Variants in ZSCAN30 observed in about 807,000 individuals in gnomAD.
ZSCAN30 encodes the protein zinc finger and SCAN domain containing 30.
ZSCAN30 carries 37 observed loss-of-function variants against 44.3 expected under a neutral mutation model. The observed-to-expected ratio is 0.84, with a 90% CI of 0.64 to 1.10. The LOEUF (loss-of-function observed/expected upper bound fraction) is 1.10, where lower values mean the gene tolerates loss of function less well. ZSCAN30 is among the 50% of genes least tolerant of loss of function. The pLI, the probability that ZSCAN30 is intolerant of heterozygous loss-of-function variation, is 0.00. For synonymous variants in ZSCAN30, 181 were observed against 204.6 expected (o/e 0.88, Z 0.98); for missense variants, 549 against 582.6 (o/e 0.94, Z 0.59).
At chr18:35,258,220 AC>A in intron 3 of ZSCAN30, 1 of 516,662 alleles carries the variant, frequency 1.9e-6, no homozygotes, top group Non-Finnish European at 3.5e-6. Flanking sequence ...CTTAACAGGA[AC>A]CCAGTCAAGG....
At chr18:35,263,726 G>T in intron 2 of ZSCAN30, 69 bp from the exon 3 acceptor site, 1 of 1,565,030 alleles carries the variant, frequency 6.4e-7, no homozygotes, top group Non-Finnish European at 8.8e-7. Flanking sequence ...AGAGCAACAG[G>T]GCAGGAACAG....
Position 35,264,321 on chromosome 18 carries a change from T to C in ZSCAN30, c.32A>G (p.His11Arg), listed in dbSNP as rs1472150550. The C allele has an allele frequency of 3.7e-6, 6 of 1,613,884 alleles. No homozygotes were observed. Among genetic ancestry groups the C allele is most frequent in the East Asian group, 2.2e-5 (1 of 44,880 alleles). The change falls in exon 2 of 4, where the codon CAT (histidine) becomes CGT (arginine). Residue 11 changes from histidine to arginine, a missense_variant. His to Arg is a conservative substitution (Grantham distance 29, BLOSUM62 0). Coordinates refer to ENST00000333206, the MANE Select transcript of ZSCAN30 (RefSeq NM_001112734.4). ...AAGTCCTTCCTGTTCTTCTGGAGCA[T>C]GGTAGGCCAAGACTGTGGCCTCTCC... is the stretch of plus-strand genomic sequence containing the variant. MSGEATVLAY[H>R]APEEQEGLLV...
chr18:35,274,179 C>A (rs905453221), intron 1 of ZSCAN30, among the ~76,000 whole-genome samples: 5 of 152,118 alleles, frequency 3.3e-5, no homozygotes, highest in East Asian at 1.9e-4. Flanking sequence ...CCATGCCCAG[C>A]TAATTTTTGG....
chr18:35,286,808 A>G (rs1319228093), intron 1 of ZSCAN30, among the ~76,000 whole-genome samples: 2 of 152,124 alleles, frequency 1.3e-5, no homozygotes, highest in East Asian at 3.9e-4. Flanking sequence ...TTCTTTTCCA[A>G]TCTGAATGCC....
Position 35,254,722 on chromosome 18 carries a change from G to C in ZSCAN30, c.554-341C>G, listed in dbSNP as rs2043734293. On this transcript the variant is annotated intron_variant, in intron 3 of 3. Transcript: ENST00000333206. ...TAGAGAAGATACGTTTTTAGGTAAT[G>C]AGATAATCAGGAAAAAAAAGTTAAA... 1.2e-5 allele frequency: 4 copies of C among 346,356 alleles called. No individual in the cohort carries two copies. The East Asian group carries it at 2.7e-4, about 23-fold the overall frequency. The allele number at this position is 346,356 out of a possible 1,614,324, so 21.5% of individuals were successfully genotyped here.
At chr18:35,281,898 G>T (rs1258342287) in intron 1 of ZSCAN30, 1 of 144,146 alleles carries the variant, frequency 6.9e-6, no homozygotes, top group East Asian at 2.0e-4. Context: ...GAATGGGAAG[G>T]CCAAAAAAAA....
intron 1 of ZSCAN30, among the ~76,000 whole-genome samples, chr18:35,274,068 T>C (rs2044329426): frequency 1.3e-5 from 2 of 152,066 alleles, no homozygotes; most frequent in South Asian, 4.1e-4. Context: ...CAGGCTGGAG[T>C]GCAGTGGTGC....
intron 1 of ZSCAN30, chr18:35,270,245 ATC>A (rs1280397740): frequency 3.1e-5 from 2 of 64,502 alleles, no homozygotes; most frequent in African/African-American, 9.1e-5. Context: ...AGTATATGGG[ATC>A]TCTCTGTACT....
intron 1 of ZSCAN30, chr18:35,270,329 G>C (rs903145553): frequency 6.6e-6 from 1 of 152,140 alleles, no homozygotes; most frequent in Non-Finnish European, 1.5e-5. Flanking sequence ...GGGGAACGAG[G>C]GAACAAATAC....
chr18:35,267,414 G>A (rs1426325230), intron 1 of ZSCAN30: 2 of 152,354 alleles, frequency 1.3e-5, no homozygotes, highest in Admixed American at 1.3e-4. Flanking sequence ...GCGGAGGCCG[G>A]ATGCGGGACA....
chr18:35,255,416 C>G (rs902391195), intron 3 of ZSCAN30, among the ~76,000 whole-genome samples: 2 of 151,868 alleles, frequency 1.3e-5, no homozygotes, highest in Non-Finnish European at 2.9e-5. Flanking sequence ...ATGCATTTTA[C>G]ATATCAGGAA....
At chr18:35,272,543 A>G (rs1283222798) in intron 1 of ZSCAN30, among the ~76,000 whole-genome samples, 1 of 142,578 alleles carries the variant, frequency 7.0e-6, no homozygotes, top group South Asian at 2.2e-4. Flanking sequence ...GTTTCACCAT[A>G]TTGGTTGGCC....
At chr18:35,254,739 A>G in intron 3 of ZSCAN30, 1 of 331,824 alleles carries the variant, frequency 3.0e-6, no homozygotes, top group South Asian at 2.9e-5. Context: ...TCAGGAAAAA[A>G]AAGTTAAAAG....
At chr18:35,263,864 C>T in intron 2 of ZSCAN30, 81 bp downstream of exon 2, 1 of 1,507,370 alleles carries the variant, frequency 6.6e-7, no homozygotes, top group Non-Finnish European at 9.0e-7. Context: ...TCTCTGAGAG[C>T]TGAGTCAATG....
rs368489177 is a variant in ZSCAN30 at position 35,254,037 on chromosome 18, G to A, written c.898C>T (p.Leu300Phe). 1.2e-6 allele frequency: 2 copies of A among 1,614,052 alleles called. No individual in the cohort carries two copies. Among genetic ancestry groups the A allele is most frequent in the Non-Finnish European group, 1.7e-6 (2 of 1,180,028 alleles). Residue 300 changes from leucine to phenylalanine, a missense_variant, in exon 4 of 4, where the codon CTC (leucine) becomes TTC (phenylalanine). By Grantham distance (22) the Leu-to-Phe change is conservative. Transcript: ENST00000333206. ...TQQSVDTREKLYECFDCGKAF... is the reference protein window; with the variant it reads ...TQQSVDTREKFYECFDCGKAF... ...TTCCCACAGTCAAAGCACTCATAGA[G>A]CTTTTCCCTAGTGTCAACGCTCTGT...
Position 35,264,202 on chromosome 18 carries a change from A to C in ZSCAN30, c.151T>G (p.Phe51Val). 1 of 1,614,178 alleles carries C rather than the reference A, an allele frequency of 6.2e-7. No homozygotes were observed. The change falls in exon 2 of 4, where the codon TTC becomes GTC. Residue 51 changes from phenylalanine to valine, a missense_variant. By Grantham distance (50) the Phe-to-Val change is conservative. Transcript: ENST00000333206. ...PWSQEVFRQK[F>V]RQFSYSDSTG... ...GAGTCAGAGTAACTAAACTGCCTGA[A>C]CTTCTGCCGGAATACCTCTTGGCTC... is the stretch of plus-strand genomic sequence containing the variant.
chr18:35,260,360 C>T (rs2043997187), intron 3 of ZSCAN30: 1 of 152,106 alleles, frequency 6.6e-6, no homozygotes, highest in African/African-American at 2.4e-5. Context: ...AATTTATATT[C>T]CTTTCAGTAT....
intron 3 of ZSCAN30, chr18:35,255,022 C>CT (rs1367726932): frequency 6.5e-6 from 1 of 153,502 alleles, no homozygotes; most frequent in Non-Finnish European, 1.5e-5. Flanking sequence ...TTTTTTTTAA[C>CT]TTTAAAAAAA....
At chr18:35,258,137 G>T in intron 3 of ZSCAN30, 1 of 631,250 alleles carries the variant, frequency 1.6e-6, no homozygotes, top group Non-Finnish European at 2.8e-6. Context: ...TGAAAGCTGT[G>T]AAAGGATCCA....
Sources: allele counts gnomAD v4.1 joint callset (sites outside exome capture counted in the v4.1 genomes callset), GRCh38; gene constraint gnomAD v4.1.1; transcripts MANE v1.5; gene names NCBI Gene and HGNC (gene_info 2026-07-23, HGNC 2026-07-21).